Variants in JPH3 observed in about 807,000 individuals in gnomAD.
JPH3 encodes the protein junctophilin-3.
In JPH3, 11 loss-of-function variants were observed where a neutral mutation model predicts 59.6. That is an observed-to-expected ratio of 0.18 (90% CI 0.12 to 0.31). The LOEUF is 0.31. JPH3 is among the 10% of genes least tolerant of loss of function. The pLI is 1.00. For missense variants in JPH3, 1,202 were observed against 1,105.7 expected, an observed-to-expected ratio of 1.09 and a Z score of -1.24; for synonymous variants, 673 against 483.6, an observed-to-expected ratio of 1.39 and a Z score of -5.14.
intron 3 of JPH3, among the ~76,000 whole-genome samples, chr16:87,686,973 G>A (rs4843672): frequency 0.26 from 39,974 of 152,190 alleles, 5,474 homozygotes; most frequent in Middle Eastern, 0.42. Context: ...ACCTCGGTCC[G>A]ATCTGCCACC....
At position 87,639,844 on chromosome 16, in the gene JPH3, C is replaced by G. The variant is rs566479385; in HGVS notation, c.383-4414C>G. Among the ~76,000 whole-genome samples the G allele has an allele frequency of 1.1e-4, 16 of 152,360 alleles. No individual in the cohort carries two copies. The South Asian group carries it at 3.1e-3, about 30-fold the overall frequency. ...AGGAAGCAGCAGGTGCCCGGCTTTC[C>G]TTCCTTTTTAAGGCTGAGGAATATT... is the stretch of plus-strand genomic sequence containing the variant. On this transcript the variant is annotated intron_variant, in intron 1 of 4. Transcript: ENST00000284262.
At chr16:87,671,335 C>G (rs764417373) in intron 2 of JPH3, among the ~76,000 whole-genome samples, 4 of 152,210 alleles carry the variant, frequency 2.6e-5, no homozygotes, top group Non-Finnish European at 5.9e-5. Flanking sequence ...CACCACTGCC[C>G]TCTGACCCGT....
chr16:87,621,667 G>A (rs2031191144), intron 1 of JPH3, among the ~76,000 whole-genome samples: 1 of 152,226 alleles, frequency 6.6e-6, no homozygotes, highest in South Asian at 2.1e-4. Flanking sequence ...CCGGTTGAAG[G>A]GCCGGGTTTA....
chr16:87,625,175 G>C (rs1440001500), intron 1 of JPH3, among the ~76,000 whole-genome samples: 2 of 152,362 alleles, frequency 1.3e-5, no homozygotes, highest in African/African-American at 4.8e-5. Flanking sequence ...TTTAAAAAGA[G>C]ACTTCTGGAA....
At chr16:87,604,733 A>G in intron 1 of JPH3, 1 of 997,238 alleles carries the variant, frequency 1.0e-6, no homozygotes, top group Non-Finnish European at 1.3e-6. Context: ...GGGGCTGGAG[A>G]GTAATTATTA....
At chr16:87,679,645 C>T (rs1371614926) in intron 2 of JPH3, among the ~76,000 whole-genome samples, 31 of 152,230 alleles carry the variant, frequency 2.0e-4, no homozygotes, top group Admixed American at 1.8e-3. Context: ...GTTCGCTGTC[C>T]GGGCTGGGTC....
At chr16:87,655,481 G>C (rs1416918572) in intron 2 of JPH3, among the ~76,000 whole-genome samples, 3 of 152,138 alleles carry the variant, frequency 2.0e-5, no homozygotes, top group African/African-American at 7.2e-5. Context: ...AGCCTCCTGA[G>C]TAGCTGGGAC....
intron 1 of JPH3, among the ~76,000 whole-genome samples, chr16:87,605,538 A>T (rs1170279224): frequency 2.6e-5 from 4 of 152,192 alleles, no homozygotes; most frequent in Admixed American, 6.5e-5. Context: ...GGAAGAAAGG[A>T]TCTGATTCTG....
chr16:87,647,522 G>A (rs1321737495), intron 2 of JPH3, among the ~76,000 whole-genome samples: 1 of 152,194 alleles, frequency 6.6e-6, no homozygotes, highest in Admixed American at 6.5e-5. Flanking sequence ...GGCAGGTTGC[G>A]GCTTGCCTTC....
Position 87,644,742 on chromosome 16 carries a change from G to A in JPH3, c.867G>A (p.Val289=). Reference sequence around the variant, plus strand: ...ACGCCACCACCACCGAGACCTACGTGGGCGAGTGGAAGAACGACAAACGCT... The same window carrying A: ...ACGCCACCACCACCGAGACCTACGTAGGCGAGTGGAAGAACGACAAACGCT... ...DIDATTTETY[V]GEWKNDKRSG... is the part of the protein sequence containing the mutation. Residue 289 remains valine (V), a synonymous_variant, in exon 2 of 5, where the codon GTG becomes GTA. Transcript: ENST00000284262. 1 of 1,613,088 alleles carries A rather than the reference G, an allele frequency of 6.2e-7. No individual in the cohort carries two copies. Among genetic ancestry groups the A allele is most frequent in the South Asian group, 1.1e-5 (1 of 91,074 alleles).
intron 2 of JPH3, among the ~76,000 whole-genome samples, chr16:87,661,459 T>C (rs764767175): frequency 3.9e-5 from 6 of 152,242 alleles, no homozygotes; most frequent in Admixed American, 6.5e-5. Context: ...TGGACTCTCT[T>C]TAGGGGGAGC....
intron 1 of JPH3, chr16:87,604,330 T>C (rs992191264): frequency 5.3e-6 from 6 of 1,137,004 alleles, no homozygotes; most frequent in Non-Finnish European, 7.0e-6. Context: ...GCTGCTGCTG[T>C]AAGATGGTTT....
At position 87,640,511 on chromosome 16, in the gene JPH3, C is replaced by T. The variant is rs148684843; in HGVS notation, c.383-3747C>T. 3.7e-3 allele frequency among the ~76,000 whole-genome samples: 561 copies of T among 151,932 alleles called. 9 individuals are homozygous for T. Among genetic ancestry groups the T allele is most frequent in the African/African-American group, 0.012 (513 of 41,466 alleles). On this transcript the variant is annotated intron_variant, in intron 1 of 4. Coordinates refer to ENST00000284262, the MANE Select transcript of JPH3 (RefSeq NM_020655.4). ...GTTCAAGTGATCCTCCTGCCTCAGC[C>T]TCTTGAGTACCTGGGATTACAGGCA... is the stretch of plus-strand genomic sequence containing the variant.
chr16:87,670,551 C>T (rs1567608181), intron 2 of JPH3, among the ~76,000 whole-genome samples: 1 of 152,246 alleles, frequency 6.6e-6, no homozygotes, highest in African/African-American at 2.4e-5. Flanking sequence ...GGTTATCCTT[C>T]CAAGCCCATG....
intron 2 of JPH3, 93 bp downstream of exon 2, chr16:87,645,128 G>C (rs2032103130): frequency 1.5e-6 from 2 of 1,335,454 alleles, no homozygotes; most frequent in Non-Finnish European, 2.0e-6. Flanking sequence ...CAAGGCCTTG[G>C]GCTAGGCCCA....
chr16:87,695,626 C>A (rs956282533), intron 4 of JPH3: 1 of 456,026 alleles, frequency 2.2e-6, no homozygotes, highest in Admixed American at 2.3e-5. Flanking sequence ...CTGGGGCCAC[C>A]GTCCAGGAGG....
At chr16:87,656,151 C>T (rs1045280298) in intron 2 of JPH3, among the ~76,000 whole-genome samples, 2 of 152,236 alleles carry the variant, frequency 1.3e-5, no homozygotes, top group Non-Finnish European at 2.9e-5. Context: ...GCCCTGAGGG[C>T]GTCTCTGCCC....
At chr16:87,615,455 G>T (rs1468300321) in intron 1 of JPH3, among the ~76,000 whole-genome samples, 5 of 152,210 alleles carry the variant, frequency 3.3e-5, no homozygotes, top group African/African-American at 1.2e-4. Flanking sequence ...AGTGACAGCT[G>T]CTGTGTTTCT....
intron 2 of JPH3, among the ~76,000 whole-genome samples, chr16:87,683,152 G>C (rs1156734273): frequency 6.6e-6 from 1 of 152,222 alleles, no homozygotes; most frequent in Non-Finnish European, 1.5e-5. Context: ...TGGGATTACT[G>C]GGCAGGGAGG....
Sources: gnomAD v4.1 joint callset for allele counts (sites outside exome capture counted in the v4.1 genomes callset) on GRCh38, gnomAD v4.1.1 for gene constraint, MANE v1.5 for transcripts, NCBI Gene and HGNC (gene_info 2026-07-23, HGNC 2026-07-21) for gene names.